The following CUL3 variants were observed in gnomAD, a reference collection of about 807,000 sequenced individuals.
The protein encoded by CUL3 is cullin 3, also known as cullin-3.
Under a neutral mutation model 89.1 loss-of-function variants are expected in CUL3, and 19 were observed. The observed-to-expected ratio is 0.21, with a 90% confidence interval of 0.15 to 0.31. CUL3 has a LOEUF of 0.31. CUL3 is among the 10% of genes least tolerant of loss of function. CUL3 has a pLI of 1.00. For synonymous variants in CUL3, 351 were observed against 308.4 expected, an observed-to-expected ratio of 1.14 and a Z score of -1.45; for missense variants, 469 against 942.3, an observed-to-expected ratio of 0.50 and a Z score of 6.58.
intron 1 of CUL3, among the ~76,000 whole-genome samples, chr2:224,559,352 G>A (rs1559224196): frequency 6.6e-6 from 1 of 151,310 alleles, no homozygotes; most frequent in African/African-American, 2.4e-5. Flanking sequence ...TACCCGGGAG[G>A]CTGAGGGAGG....
intron 2 of CUL3, among the ~76,000 whole-genome samples, chr2:224,547,912 C>T (rs921404244): frequency 1.3e-5 from 2 of 152,074 alleles, no homozygotes; most frequent in Non-Finnish European, 2.9e-5. Flanking sequence ...AATATCTTAA[C>T]TTACTTACAA....
At chr2:224,581,961 C>A (rs927141549) in intron 1 of CUL3, among the ~76,000 whole-genome samples, 1 of 151,654 alleles carries the variant, frequency 6.6e-6, no homozygotes, top group African/African-American at 2.4e-5. Context: ...ATATGTATAA[C>A]CATAAACAAT....
Position 224,478,077 on chromosome 2 carries a change from A to G in CUL3, c.2175+123T>C, listed in dbSNP as rs974268889. 6.1e-5 allele frequency: 59 copies of G among 971,448 alleles called. No individual in the cohort carries two copies. The South Asian group carries it at 8.1e-4, about 13-fold the overall frequency. The allele number at this position is 971,448 out of a possible 1,614,324, so 60.2% of individuals were successfully genotyped here. On this transcript the variant is annotated intron_variant, in intron 15 of 15. Coordinates refer to ENST00000264414, the MANE Select transcript of CUL3 (RefSeq NM_003590.5). ...TTACCAAGTGAGTGCCATACATTTC[A>G]TAAGTGTTACATCACTAGGATTTCT...
chr2:224,567,693 T>G (rs917485301), intron 1 of CUL3, among the ~76,000 whole-genome samples: 1 of 151,878 alleles, frequency 6.6e-6, no homozygotes, highest in African/African-American at 2.4e-5. Flanking sequence ...TAAGCCGAGA[T>G]TGTGCCACTG....
At chr2:224,533,205 T>C (rs1275133294) in intron 3 of CUL3, 1 of 152,242 alleles carries the variant, frequency 6.6e-6, no homozygotes, top group Non-Finnish European at 1.5e-5. Context: ...TTTCAGTTCA[T>C]GCAGCACTGT....
At chr2:224,549,985 T>C (rs551969154) in intron 2 of CUL3, among the ~76,000 whole-genome samples, 50 of 152,306 alleles carry the variant, frequency 3.3e-4, no homozygotes, top group Admixed American at 9.8e-4. Flanking sequence ...TAAGTACCAC[T>C]AACTGGCAAC....
chr2:224,506,226 T>C, intron 7 of CUL3, 94 bp from the exon 8 acceptor site: 1 of 792,186 alleles, frequency 1.3e-6, no homozygotes, highest in East Asian at 2.9e-5. Context: ...ACTTTGCTGG[T>C]AATAAACATG....
intron 1 of CUL3, chr2:224,563,406 G>T: frequency 2.8e-6 from 1 of 351,738 alleles, no homozygotes; most frequent in Non-Finnish European, 5.7e-6. Flanking sequence ...GGATTCCAGA[G>T]GTTCCTAAAA....
intron 3 of CUL3, among the ~76,000 whole-genome samples, chr2:224,525,273 C>A (rs892547104): frequency 6.6e-6 from 1 of 152,212 alleles, no homozygotes; most frequent in African/African-American, 2.4e-5. Context: ...TTAGAATCAA[C>A]TTCTAAATTC....
intron 3 of CUL3, among the ~76,000 whole-genome samples, chr2:224,530,883 G>A (rs1396054816): frequency 6.6e-6 from 1 of 151,724 alleles, no homozygotes; most frequent in African/African-American, 2.4e-5. Flanking sequence ...CTCCAGCCTG[G>A]GCGACAGAGC....
chr2:224,537,284 T>C (rs1002586120), intron 2 of CUL3, among the ~76,000 whole-genome samples: 5 of 152,110 alleles, frequency 3.3e-5, no homozygotes, highest in Non-Finnish European at 5.9e-5. Context: ...TTCCTACATA[T>C]TGGGGAAAAC....
At chr2:224,544,408 A>G (rs1694227027) in intron 2 of CUL3, among the ~76,000 whole-genome samples, 1 of 152,242 alleles carries the variant, frequency 6.6e-6, no homozygotes, top group South Asian at 2.1e-4. Flanking sequence ...ACCTACAAAA[A>G]TAGCACTTAA....
chr2:224,517,740 T>C (rs1420305141), intron 3 of CUL3, among the ~76,000 whole-genome samples: 2 of 152,204 alleles, frequency 1.3e-5, no homozygotes, highest in Non-Finnish European at 2.9e-5. Context: ...TCAGTTTCAT[T>C]AAGGTGAAGC....
At position 224,500,374 on chromosome 2, in the gene CUL3, C is replaced by T. The variant is rs2106188936; in HGVS notation, c.1599G>A (p.Glu533=). ...NIPPAPRHAF[E]IFRRFYLAKH... Reference sequence around the variant, plus strand: ...TGATTTTGATTTACCTTCTGAATATCTCAAAAGCATGTCTTGGTGCTGGTG... The same window carrying T: ...TGATTTTGATTTACCTTCTGAATATTTCAAAAGCATGTCTTGGTGCTGGTG... The change falls in exon 11 of 16, where the codon GAG becomes GAA. Residue 533 remains glutamate, a synonymous_variant. Coordinates refer to ENST00000264414, the MANE Select transcript of CUL3 (RefSeq NM_003590.5). 2 of 1,614,016 alleles carry T rather than the reference C, an allele frequency of 1.2e-6. No homozygotes were observed. The highest frequency in any genetic ancestry group is 1.7e-6 in the Non-Finnish European group (2 of 1,179,974).
At chr2:224,513,823 T>C (rs1274918679) in intron 4 of CUL3, among the ~76,000 whole-genome samples, 185 bp from the exon 5 acceptor site, 1 of 152,206 alleles carries the variant, frequency 6.6e-6, no homozygotes, top group Non-Finnish European at 1.5e-5. Flanking sequence ...AAAGCATATC[T>C]TGACTGCACA....
chr2:224,501,762 G>C (rs535747074), intron 10 of CUL3, among the ~76,000 whole-genome samples: 1 of 152,252 alleles, frequency 6.6e-6, no homozygotes, highest in Admixed American at 6.5e-5. Flanking sequence ...GTTGGTTAGG[G>C]GAAGGGAGGG....
At chr2:224,564,054 G>C (rs1200724774) in intron 1 of CUL3, among the ~76,000 whole-genome samples, 1 of 152,182 alleles carries the variant, frequency 6.6e-6, no homozygotes, top group Non-Finnish European at 1.5e-5. Context: ...GGGAGGCCCA[G>C]GTGGACAGTT....
At chr2:224,576,157 G>C (rs1047928080) in intron 1 of CUL3, among the ~76,000 whole-genome samples, 4 of 152,108 alleles carry the variant, frequency 2.6e-5, no homozygotes, top group Non-Finnish European at 5.9e-5. Context: ...CCACATCTGG[G>C]CCCAATAATT....
intron 2 of CUL3, among the ~76,000 whole-genome samples, chr2:224,546,931 T>C (rs560333007): frequency 1.9e-4 from 29 of 152,280 alleles, no homozygotes; most frequent in African/African-American, 7.0e-4. Context: ...GATTATGCTA[T>C]TTATATTTAG....
Sources: allele counts gnomAD v4.1 joint callset (sites outside exome capture counted in the v4.1 genomes callset), GRCh38; gene constraint gnomAD v4.1.1; transcripts MANE v1.5; gene names NCBI Gene and HGNC (gene_info 2026-07-23, HGNC 2026-07-21).